Variants in RTN4RL1 observed in about 807,000 individuals in gnomAD.
RTN4RL1 encodes the protein reticulon-4 receptor-like 1.
RTN4RL1 carries 7 observed loss-of-function variants against 25.6 expected under a neutral mutation model. That is an observed-to-expected ratio of 0.27 (90% CI 0.16 to 0.51). The LOEUF is 0.51. Ranked by LOEUF, RTN4RL1 falls within the 20% of genes least tolerant of loss-of-function variation. The pLI, the probability that RTN4RL1 is intolerant of heterozygous loss-of-function variation, is 0.97. For missense variants in RTN4RL1, 500 were observed against 615.6 expected, an observed-to-expected ratio of 0.81 and a Z score of 1.99; for synonymous variants, 297 against 288.2, an observed-to-expected ratio of 1.03 and a Z score of -0.31.
rs1410300879 is a variant in RTN4RL1 at position 2,022,020 on chromosome 17, T to G, written c.13+2833A>C. Among the ~76,000 whole-genome samples the G allele has an allele frequency of 3.3e-5, 5 of 151,368 alleles. No individual in the cohort carries two copies. In the East Asian group the frequency reaches 9.9e-4, roughly 30 times the overall value. On this transcript the variant is annotated intron_variant, in intron 1 of 1. Coordinates refer to ENST00000331238, the MANE Select transcript of RTN4RL1 (RefSeq NM_178568.4). ...ACCACCAGTGTATGCCACTGCAAAT[T>G]TTTTAAAATTTTGGCCGGGTGCAGT...
intron 1 of RTN4RL1, among the ~76,000 whole-genome samples, chr17:2,006,706 C>A (rs1035591678): frequency 3.8e-4 from 58 of 152,350 alleles, no homozygotes; most frequent in African/African-American, 1.4e-3. Flanking sequence ...CTGCAACTTC[C>A]GCCTCCCGGC....
intron 1 of RTN4RL1, among the ~76,000 whole-genome samples, chr17:2,004,119 A>G (rs2066977279): frequency 6.6e-6 from 1 of 151,552 alleles, no homozygotes; most frequent in South Asian, 2.1e-4. Context: ...CTGTAATCCC[A>G]GCACTTTGGG....
At chr17:2,012,137 T>C (rs551608620) in intron 1 of RTN4RL1, among the ~76,000 whole-genome samples, 2 of 152,376 alleles carry the variant, frequency 1.3e-5, no homozygotes, top group South Asian at 4.1e-4. Flanking sequence ...TTCAGATCTC[T>C]GAAGCCCAGA....
At chr17:2,023,683 T>TCCCCCCCCCCCCCCCCCCCCC (rs1304412288) in intron 1 of RTN4RL1, 1 of 31,578 alleles carries the variant, frequency 3.2e-5, no homozygotes, top group South Asian at 1.1e-3. Context: ...CTCCCCAACC[T>TCCCCCCCCCCCCCCCCCCCCC]CCCCCCCCTC....
intron 1 of RTN4RL1, among the ~76,000 whole-genome samples, chr17:1,978,768 G>A (rs1208765095): frequency 3.3e-5 from 5 of 152,212 alleles, no homozygotes; most frequent in Non-Finnish European, 7.3e-5. Context: ...GGAAGCTGTT[G>A]CCATTAGGCA....
chr17:1,953,549 T>TAAAAAAAATTGAATTAA (rs1915726859), intron 1 of RTN4RL1, among the ~76,000 whole-genome samples: 1 of 141,990 alleles, frequency 7.0e-6, no homozygotes, highest in Non-Finnish European at 1.6e-5. Flanking sequence ...ACTCAAAGTA[T>TAAAAAAAATTGAATTAA]AAAAAAAATT....
chr17:2,016,615 C>T (rs2067127400), intron 1 of RTN4RL1, among the ~76,000 whole-genome samples: 1 of 152,240 alleles, frequency 6.6e-6, no homozygotes, highest in East Asian at 1.9e-4. Context: ...GCATACAGGG[C>T]TGCGGTGAGA....
chr17:2,024,914 C>G lies in RTN4RL1; in HGVS notation c.-49G>C. On this transcript the variant is annotated 5_prime_UTR_variant, in exon 1 of 2. Coordinates refer to ENST00000331238, the MANE Select transcript of RTN4RL1 (RefSeq NM_178568.4). ...GAGGTCGGCCTAGGCGCACTCCCTC[C>G]CGGGGTCCAGATTCAAATCCCTGGG... is the stretch of plus-strand genomic sequence containing the variant. 6.4e-7 allele frequency: 1 copy of G among 1,556,966 alleles called. No homozygotes were observed. Among genetic ancestry groups the G allele is most frequent in the Non-Finnish European group, 8.7e-7 (1 of 1,151,252 alleles).
chr17:1,943,073 T>C (rs1165154867), intron 1 of RTN4RL1, among the ~76,000 whole-genome samples: 1 of 152,082 alleles, frequency 6.6e-6, no homozygotes, highest in Non-Finnish European at 1.5e-5. Context: ...AGCTGGTCAT[T>C]GTGGAGGGCA....
intron 1 of RTN4RL1, among the ~76,000 whole-genome samples, chr17:1,967,558 G>A (rs1567512336): frequency 6.6e-6 from 1 of 150,646 alleles, no homozygotes; most frequent in Non-Finnish European, 1.5e-5. Context: ...CCCTCTTCGA[G>A]CCCTACACCT....
chr17:2,021,806 C>T (rs563891177), intron 1 of RTN4RL1, among the ~76,000 whole-genome samples: 21 of 149,782 alleles, frequency 1.4e-4, no homozygotes, highest in South Asian at 6.4e-4. Context: ...CCTCCCAACT[C>T]GGCCTCCCAA....
In RTN4RL1 at chr17:1,998,136, G is replaced by A. The variant is rs1384632326; in HGVS notation, c.13+26717C>T. On this transcript the variant is annotated intron_variant, in intron 1 of 1. Coordinates refer to ENST00000331238, the MANE Select transcript of RTN4RL1 (RefSeq NM_178568.4). The surrounding 1 kb of genome is among the most constrained non-coding windows in gnomAD (Gnocchi z 4.9). ...CTGGCAGGGGAGCCAGACGGCGGCG[G>A]AGGGGGCGGGGAGGCCTCCTTGGCT... Among the ~76,000 whole-genome samples, 1 of 152,186 alleles carries A rather than the reference G, an allele frequency of 6.6e-6. No individual in the cohort carries two copies. The highest frequency in any genetic ancestry group is 6.5e-5 in the Admixed American group (1 of 15,286).
chr17:1,937,871 C>T, intron 1 of RTN4RL1, 63 bp from the exon 2 acceptor site: 2 of 1,283,330 alleles, frequency 1.6e-6, no homozygotes, highest in East Asian at 2.4e-5. Flanking sequence ...GCACCGCACC[C>T]TCCGGCGCCC....
rs1457393804 is a variant in RTN4RL1, at chr17:1,998,147, G to A, written c.13+26706C>T. On this transcript the variant is annotated intron_variant, in intron 1 of 1. Transcript: ENST00000331238. This position sits in a 1 kb window ranked among gnomAD's most constrained non-coding sequence, Gnocchi z 4.9. ...GCCAGACGGCGGCGGAGGGGGCGGG[G>A]AGGCCTCCTTGGCTCCCTGGCCCGG... Among the ~76,000 whole-genome samples the A allele has an allele frequency of 6.6e-6, 1 of 152,180 alleles. No individual in the cohort carries two copies. The highest frequency in any genetic ancestry group is 1.5e-5 in the Non-Finnish European group (1 of 68,004).
At chr17:1,987,176 T>C (rs2066890849) in intron 1 of RTN4RL1, among the ~76,000 whole-genome samples, 1 of 152,074 alleles carries the variant, frequency 6.6e-6, no homozygotes, top group Non-Finnish European at 1.5e-5. Flanking sequence ...GCTTTTCCTT[T>C]GGGAGAGCCG....
chr17:2,008,850 T>TC (rs1370827269), intron 1 of RTN4RL1, among the ~76,000 whole-genome samples: 1 of 151,858 alleles, frequency 6.6e-6, no homozygotes, highest in Non-Finnish European at 1.5e-5. Context: ...CCAGCCGCCT[T>TC]CCCCCTGGCT....
At chr17:1,972,332 A>T (rs1020770089) in intron 1 of RTN4RL1, among the ~76,000 whole-genome samples, 11 of 20,992 alleles carry the variant, frequency 5.2e-4, no homozygotes, top group Non-Finnish European at 1.0e-3. Context: ...ATAAATAAAA[A>T]TTTAAAAAAA....
chr17:1,956,910 T>C (rs1159252549), intron 1 of RTN4RL1, among the ~76,000 whole-genome samples: 1 of 151,924 alleles, frequency 6.6e-6, no homozygotes, highest in Non-Finnish European at 1.5e-5. Context: ...CGCCCGGCTT[T>C]TGTATTTTGA....
intron 1 of RTN4RL1, among the ~76,000 whole-genome samples, chr17:1,974,911 C>A (rs1018757983): frequency 6.6e-6 from 1 of 152,242 alleles, no homozygotes; most frequent in African/African-American, 2.4e-5. Context: ...GTCCCAGCAC[C>A]TTTACTAGCT....
Sources: gnomAD v4.1 joint callset for allele counts (sites outside exome capture counted in the v4.1 genomes callset) on GRCh38, gnomAD v4.1.1 for gene constraint, Gnocchi (gnomAD v3.1) non-coding constraint, MANE v1.5 for transcripts, NCBI Gene and HGNC (gene_info 2026-07-23, HGNC 2026-07-21) for gene names.